RAB44: variants seen among roughly 807,000 people sequenced by gnomAD.
RAB44 encodes RAB44, member RAS oncogene family.
In RAB44, 67 loss-of-function variants were observed where a neutral mutation model predicts 93.3. That is an observed-to-expected ratio of 0.72 (90% CI 0.59 to 0.88). The LOEUF is 0.88. Ranked by LOEUF, RAB44 falls within the 40% of genes least tolerant of loss-of-function variation. The pLI is 0.00. For synonymous variants in RAB44, 427 were observed against 520.3 expected, an observed-to-expected ratio of 0.82 and a Z score of 2.44; for missense variants, 1,064 against 1,261.7, an observed-to-expected ratio of 0.84 and a Z score of 2.37.
In RAB44 at chr6:36,721,658, C is replaced by T; in HGVS notation, c.1524C>T (p.Asn508=). The T allele has an allele frequency of 1.6e-6, 2 of 1,234,434 alleles. No homozygotes were observed. Among genetic ancestry groups the T allele is most frequent in the Non-Finnish European group, 2.0e-6 (2 of 988,310 alleles). 76.5% of individuals were successfully genotyped at this position (1,234,434 alleles called of 1,614,324 possible). ...PLEDGPPPPA[N]SPPPQAPAGS... ...AGGATGGGCCCCCTCCCCCTGCGAA[C>T]TCTCCCCCTCCCCAGGCCCCAGCTG... is the stretch of plus-strand genomic sequence containing the variant. The change falls in exon 9 of 14, where the codon AAC becomes AAT. Residue 508 remains asparagine, a synonymous_variant. Coordinates refer to ENST00000612677, the MANE Select transcript of RAB44 (RefSeq NM_001257357.2).
At chr6:36,704,944 A>G (rs1293814976) in intron 2 of RAB44, among the ~76,000 whole-genome samples, 1 of 151,928 alleles carries the variant, frequency 6.6e-6, no homozygotes, top group African/African-American at 2.4e-5. Context: ...ACATGGTGAA[A>G]CCCCGTCTCT....
intron 2 of RAB44, among the ~76,000 whole-genome samples, chr6:36,709,199 C>T (rs1025267083): frequency 6.6e-6 from 1 of 152,176 alleles, no homozygotes; most frequent in Admixed American, 6.6e-5. Flanking sequence ...GATCCACCCG[C>T]CTCGGCCTCC....
rs1028315454 is a variant in RAB44 at position 36,718,503 on chromosome 6, G to C, written c.743G>C (p.Arg248Pro). 8.1e-7 allele frequency: 1 copy of C among 1,232,610 alleles called. No homozygotes were observed. Among genetic ancestry groups the C allele is most frequent in the Admixed American group, 4.2e-5 (1 of 23,700 alleles). The allele number at this position is 1,232,610 out of a possible 1,614,324, so 76.4% of individuals were successfully genotyped here. A position where few individuals can be genotyped will look rare whatever the true frequency, so the allele number is the denominator to read the frequency against. Residue 248 changes from arginine (R) to proline (P), a missense_variant, in exon 7 of 14, where the codon CGG (arginine) becomes CCG (proline). Arg to Pro is a moderately radical substitution (Grantham distance 103, BLOSUM62 -2). Transcript: ENST00000612677. ...CTACCTACTCCACAGAGCGACTCTCGGGGCCTGGCCCTCACCTCCCAGATG... is the reference window on the plus strand; with the variant it reads ...CTACCTACTCCACAGAGCGACTCTCCGGGCCTGGCCCTCACCTCCCAGATG... ...KQQLQAESDS[R>P]GLALTSQMQD...
At chr6:36,730,868 T>C in intron 13 of RAB44, 119 bp downstream of exon 13, 3 of 447,278 alleles carry the variant, frequency 6.7e-6, no homozygotes, top group Non-Finnish European at 1.1e-5. Flanking sequence ...AGGAAATGGG[T>C]CAGGGAAGCA....
intron 10 of RAB44, among the ~76,000 whole-genome samples, chr6:36,726,345 A>C (rs754171648): frequency 6.6e-6 from 1 of 152,144 alleles, no homozygotes; most frequent in Non-Finnish European, 1.5e-5. Context: ...TACCGGGTTC[A>C]AGCGATTCTC....
At chr6:36,698,974 T>G (rs2395659) in intron 1 of RAB44, among the ~76,000 whole-genome samples, 59,490 of 151,598 alleles carry the variant, frequency 0.39, 11,618 homozygotes, top group South Asian at 0.43. Flanking sequence ...GTTTTTAGGT[T>G]GTGCTGTCAG....
chr6:36,716,352 C>A (rs1353891674), intron 4 of RAB44, among the ~76,000 whole-genome samples: 5 of 152,074 alleles, frequency 3.3e-5, no homozygotes, highest in African/African-American at 9.7e-5. Context: ...TGCCTGTAAT[C>A]CCAGCTACTC....
chr6:36,721,646 T>A lies in RAB44; in HGVS notation c.1512T>A (p.Pro504=). ...TCATTCCTTTGGAGGATGGGCCCCCTCCCCCTGCGAACTCTCCCCCTCCCC... is the reference window on the plus strand; with the variant it reads ...TCATTCCTTTGGAGGATGGGCCCCCACCCCCTGCGAACTCTCCCCCTCCCC... ...KVLIPLEDGP[P]PPANSPPPQA... Residue 504 remains proline, a synonymous_variant, in exon 9 of 14, where the codon CCT becomes CCA. Coordinates refer to ENST00000612677, the MANE Select transcript of RAB44 (RefSeq NM_001257357.2). 8.1e-7 allele frequency: 1 copy of A among 1,233,516 alleles called. No individual in the cohort carries two copies. The highest frequency in any genetic ancestry group is 1.0e-6 in the Non-Finnish European group (1 of 988,012). 76.4% of individuals were successfully genotyped at this position (1,233,516 alleles called of 1,614,324 possible).
Position 36,721,464 on chromosome 6 carries a change from G to T in RAB44, c.1330G>T (p.Asp444Tyr). The stretch of plus-strand genomic sequence containing the variant: ...ACCTGGGGTGACTTTCAGCGCCAAG[G>T]ACAATAAAGGAGTGGACCCACATGA... ...TPPGVTFSAK[D>Y]NKGVDPHEQD... The change falls in exon 9 of 14, where the codon GAC becomes TAC. Residue 444 changes from aspartate (D) to tyrosine (Y), a missense_variant. Physicochemically the swap from Asp to Tyr is radical, Grantham distance 160 (BLOSUM62 -3). Coordinates refer to ENST00000612677, the MANE Select transcript of RAB44 (RefSeq NM_001257357.2). 1 of 1,234,422 alleles carries T rather than the reference G, an allele frequency of 8.1e-7. No homozygotes were observed. The highest frequency in any genetic ancestry group is 1.0e-6 in the Non-Finnish European group (1 of 988,236). The allele number at this position is 1,234,422 out of a possible 1,614,324, so 76.5% of individuals were successfully genotyped here. A position where few individuals can be genotyped will look rare whatever the true frequency, so the allele number is the denominator to read the frequency against.
rs1207877355 is a variant in RAB44, at chr6:36,725,886, T to C, written c.2624T>C (p.Leu875Ser). The C allele has an allele frequency of 1.9e-5, 29 of 1,550,620 alleles. No homozygotes were observed. The highest frequency in any genetic ancestry group is 2.5e-5 in the Non-Finnish European group (29 of 1,146,988). The change falls in exon 10 of 14, where the codon TTG (leucine) becomes TCG (serine). Residue 875 changes from leucine (L) to serine (S), a missense_variant. Leu to Ser is a moderately radical substitution (Grantham distance 145, BLOSUM62 -2). Coordinates refer to ENST00000612677, the MANE Select transcript of RAB44 (RefSeq NM_001257357.2). ...GGAGTAGATTTTCGGGTCAAAACCT[T>C]GCTGGTGGACAACAAGTGCTTTGTG... ...TVGVDFRVKT[L>S]LVDNKCFVLQ...
At position 36,731,391 on chromosome 6, in the gene RAB44, C is replaced by T. The variant is rs1043351328; in HGVS notation, c.2976-612C>T. 2.6e-5 allele frequency among the ~76,000 whole-genome samples: 4 copies of T among 152,160 alleles called. No homozygotes were observed. Among genetic ancestry groups the T allele is most frequent in the African/African-American group, 9.7e-5 (4 of 41,436 alleles). ...AAGGCAGGGCCATGTCTGTTTTGTTCAGCCCCTCTCCCCATACCTGGGACC... is the reference window on the plus strand; with the variant it reads ...AAGGCAGGGCCATGTCTGTTTTGTTTAGCCCCTCTCCCCATACCTGGGACC... On this transcript the variant is annotated intron_variant, in intron 13 of 13. Transcript: ENST00000612677. This position sits in a 1 kb window ranked among gnomAD's most constrained non-coding sequence, Gnocchi z 4.0.
chr6:36,720,613 C>A, intron 8 of RAB44, 63 bp downstream of exon 8: 1 of 1,158,764 alleles, frequency 8.6e-7, no homozygotes, highest in Non-Finnish European at 1.1e-6. Flanking sequence ...CAGTGGGGAA[C>A]TCTGAGTTCT....
In RAB44 at chr6:36,717,296, G is replaced by C. The variant is rs574342857; in HGVS notation, c.518G>C (p.Trp173Ser). The change falls in exon 5 of 14, where the codon TGG (tryptophan) becomes TCG (serine). Residue 173 changes from tryptophan to serine, a missense_variant. Coordinates refer to ENST00000612677, the MANE Select transcript of RAB44 (RefSeq NM_001257357.2). The surrounding 1 kb of genome is among the most constrained non-coding windows in gnomAD (Gnocchi z 4.1). ...LPKQMEIWQLWGQLRQEEPQL... is the reference protein window; with the variant it reads ...LPKQMEIWQLSGQLRQEEPQL... ...AGGCAGATGGAAATCTGGCAACTGT[G>C]GGGGCAGCTGCGGCAGGAGGAGCCC... is the stretch of plus-strand genomic sequence containing the variant. 180 of 1,232,158 alleles carry C rather than the reference G, an allele frequency of 1.5e-4. No individual in the cohort carries two copies. The East Asian group carries it at 5.6e-3, about 38-fold the overall frequency. 76.3% of individuals were successfully genotyped at this position (1,232,158 alleles called of 1,614,324 possible). A position where few individuals can be genotyped will look rare whatever the true frequency, so the allele number is the denominator to read the frequency against.
intron 2 of RAB44, among the ~76,000 whole-genome samples, chr6:36,712,918 A>G (rs1192463716): frequency 6.6e-6 from 1 of 152,244 alleles, no homozygotes; most frequent in East Asian, 1.9e-4. Flanking sequence ...ATTCACAGAA[A>G]GGAAAAAAAG....
chr6:36,723,755 A>G (rs1283990283), intron 9 of RAB44, among the ~76,000 whole-genome samples: 2 of 147,556 alleles, frequency 1.4e-5, no homozygotes, highest in Non-Finnish European at 3.0e-5. Context: ...GAATGACGTG[A>G]ACCCAGGAGG....
At position 36,721,828 on chromosome 6, in the gene RAB44, A is replaced by C; in HGVS notation, c.1694A>C (p.Gln565Pro). Residue 565 changes from glutamine to proline, a missense_variant, in exon 9 of 14, where the codon CAG (glutamine) becomes CCG (proline). Coordinates refer to ENST00000612677, the MANE Select transcript of RAB44 (RefSeq NM_001257357.2). ...CCCACCATGACTGAGCGGGAAACCCAGCCCGGACCCTCACCCACAACTGCC... is the reference window on the plus strand; with the variant it reads ...CCCACCATGACTGAGCGGGAAACCCCGCCCGGACCCTCACCCACAACTGCC... Reference protein sequence around the residue: ...TPPTMTERETQPGPSPTTALT... With the variant: ...TPPTMTERETPPGPSPTTALT... 8.1e-7 allele frequency: 1 copy of C among 1,234,604 alleles called. No homozygotes were observed. Among genetic ancestry groups the C allele is most frequent in the Non-Finnish European group, 1.0e-6 (1 of 988,482 alleles). 76.5% of individuals were successfully genotyped at this position (1,234,604 alleles called of 1,614,324 possible).
rs530302675 is a variant in RAB44, at chr6:36,730,308, A to G, written c.2899-365A>G. Among the ~76,000 whole-genome samples, 32 of 152,304 alleles carry G rather than the reference A, an allele frequency of 2.1e-4. No individual in the cohort carries two copies. The East Asian group carries it at 5.6e-3, about 27-fold the overall frequency. The stretch of plus-strand genomic sequence containing the variant: ...TATTGAGCTGGTACTGTCTTATACT[A>G]TATCTTCCAATATTCCCCCAATGAA... On this transcript the variant is annotated intron_variant, in intron 12 of 13. Transcript: ENST00000612677.
At chr6:36,710,406 C>T (rs933054320) in intron 2 of RAB44, among the ~76,000 whole-genome samples, 14 of 152,140 alleles carry the variant, frequency 9.2e-5, no homozygotes, top group African/African-American at 2.7e-4. Context: ...AATGATATTC[C>T]GTTGTACATA....
Position 36,699,610 on chromosome 6 carries a change from C to T in RAB44, c.-13+1695C>T, listed in dbSNP as rs76833822. Among the ~76,000 whole-genome samples, 449 of 152,352 alleles carry T rather than the reference C, an allele frequency of 2.9e-3. 1 individual carries two copies. Among genetic ancestry groups the T allele is most frequent in the African/African-American group, 0.01 (432 of 41,576 alleles). On this transcript the variant is annotated intron_variant, in intron 1 of 13. Transcript: ENST00000612677. The stretch of plus-strand genomic sequence containing the variant: ...GGGTGTTTGTCATCCCCAGAGGGGC[C>T]TTCTGCCCAGGGAAGAGCCACCTCT...
Sources: gnomAD v4.1 joint callset for allele counts (sites outside exome capture counted in the v4.1 genomes callset) on GRCh38, gnomAD v4.1.1 for gene constraint, Gnocchi (gnomAD v3.1) non-coding constraint, MANE v1.5 for transcripts, NCBI Gene and HGNC (gene_info 2026-07-23, HGNC 2026-07-21) for gene names.